Variants in NCAM1 observed in about 807,000 individuals in gnomAD.
The protein encoded by NCAM1 is antigen recognized by monoclonal antibody 5.1H11.
NCAM1 carries 14 observed loss-of-function variants against 109.8 expected under a neutral mutation model. The ratio of observed to expected loss-of-function variants is 0.13; its 90% confidence interval spans 0.08 to 0.20. The LOEUF is 0.20. NCAM1 is among the 10% of genes least tolerant of loss of function. NCAM1 has a pLI of 1.00. For synonymous variants in NCAM1, 418 were observed against 442.9 expected, an observed-to-expected ratio of 0.94 and a Z score of 0.70; for missense variants, 774 against 1,109.9, an observed-to-expected ratio of 0.70 and a Z score of 4.30.
At chr11:113,104,217 G>GGA (rs1940038845) in intron 1 of NCAM1, among the ~76,000 whole-genome samples, 1 of 118,422 alleles carries the variant, frequency 8.4e-6, no homozygotes, top group Admixed American at 8.8e-5. Flanking sequence ...TGGGGGGGGG[G>GGA]GCGGGGTGGT....
At chr11:113,037,898 A>T (rs2135400578) in intron 1 of NCAM1, among the ~76,000 whole-genome samples, 1 of 152,126 alleles carries the variant, frequency 6.6e-6, no homozygotes, top group African/African-American at 2.4e-5. Flanking sequence ...CTCTTCCTGG[A>T]CTCAGACTTT....
At chr11:113,048,387 A>G (rs1462123951) in intron 1 of NCAM1, among the ~76,000 whole-genome samples, 9 of 152,324 alleles carry the variant, frequency 5.9e-5, no homozygotes, top group African/African-American at 1.4e-4. Context: ...TTTGCCTTCT[A>G]GTAACACCTC....
At chr11:113,155,292 T>C (rs1306478392) in intron 1 of NCAM1, among the ~76,000 whole-genome samples, 1 of 151,796 alleles carries the variant, frequency 6.6e-6, no homozygotes, top group Non-Finnish European at 1.5e-5. Flanking sequence ...CCGAGGCGGG[T>C]GGATCACTTG....
intron 14 of NCAM1, chr11:113,236,362 T>A (rs1555118291): frequency 4.4e-6 from 7 of 1,593,198 alleles, no homozygotes; most frequent in Non-Finnish European, 6.0e-6. Flanking sequence ...AGCGTTAACA[T>A]CTGCTAGTTC....
intron 1 of NCAM1, among the ~76,000 whole-genome samples, chr11:113,005,875 A>G (rs1951882753): frequency 6.6e-6 from 1 of 152,216 alleles, no homozygotes; most frequent in Non-Finnish European, 1.5e-5. Flanking sequence ...ATGATGGCTT[A>G]TTTCAATTTG....
At chr11:113,231,535 G>T in intron 9 of NCAM1, 110 bp from the exon 10 acceptor site, 1 of 1,167,992 alleles carries the variant, frequency 8.6e-7, no homozygotes. Flanking sequence ...AGTGAGACGG[G>T]TCACAGACAA....
At chr11:112,992,660 C>T (rs1951495087) in intron 1 of NCAM1, among the ~76,000 whole-genome samples, 1 of 151,870 alleles carries the variant, frequency 6.6e-6, no homozygotes, top group Admixed American at 6.6e-5. Flanking sequence ...GCCACCATGC[C>T]CGGCTAATTT....
At chr11:113,114,130 G>A (rs567575798) in intron 1 of NCAM1, among the ~76,000 whole-genome samples, 1 of 152,324 alleles carries the variant, frequency 6.6e-6, no homozygotes, top group East Asian at 1.9e-4. Flanking sequence ...GTGGTTTTGT[G>A]GAGAATTATT....
chr11:113,223,734 G>T (rs999087963), intron 9 of NCAM1, among the ~76,000 whole-genome samples: 1 of 152,254 alleles, frequency 6.6e-6, no homozygotes, highest in South Asian at 2.1e-4. Flanking sequence ...TTCAGTTGCT[G>T]GTTGATATCA....
At chr11:113,212,078 G>A (rs985266163) in intron 7 of NCAM1, among the ~76,000 whole-genome samples, 4 of 152,194 alleles carry the variant, frequency 2.6e-5, no homozygotes, top group Non-Finnish European at 5.9e-5. Flanking sequence ...TTTCAGTAGG[G>A]TGACCCAGCA....
chr11:113,176,893 C>G (rs1943164803), intron 1 of NCAM1, among the ~76,000 whole-genome samples: 6 of 152,268 alleles, frequency 3.9e-5, no homozygotes, highest in Middle Eastern at 6.8e-3. Context: ...GCTGGCCCAT[C>G]AACTTCTTAT....
chr11:113,238,304 G>C (rs932240951), intron 14 of NCAM1, among the ~76,000 whole-genome samples: 3 of 152,142 alleles, frequency 2.0e-5, no homozygotes, highest in Non-Finnish European at 2.9e-5. Context: ...TAGATAAGTA[G>C]AACCATGGCA....
chr11:113,233,111 G>A lies in NCAM1; in HGVS notation c.1523-36G>A. On this transcript the variant is annotated intron_variant, in intron 12 of 19. Coordinates refer to ENST00000316851, the MANE Select transcript of NCAM1 (RefSeq NM_181351.5). The surrounding 1 kb of genome is among the most constrained non-coding windows in gnomAD (Gnocchi z 4.5). ...GAGTTAATGGTCTTGGGCCAAACTGGGCTCACCTGAGTCTCCATATGTGTC... is the reference window on the plus strand; with the variant it reads ...GAGTTAATGGTCTTGGGCCAAACTGAGCTCACCTGAGTCTCCATATGTGTC... 1 of 1,595,112 alleles carries A rather than the reference G, an allele frequency of 6.3e-7. No individual in the cohort carries two copies. The highest frequency in any genetic ancestry group is 8.5e-7 in the Non-Finnish European group (1 of 1,170,578).
chr11:113,085,661 T>G (rs1555088178), intron 1 of NCAM1, among the ~76,000 whole-genome samples: 1 of 152,208 alleles, frequency 6.6e-6, no homozygotes, highest in African/African-American at 2.4e-5. Context: ...TCTTCTACCA[T>G]TTACCACAGG....
intron 1 of NCAM1, among the ~76,000 whole-genome samples, chr11:112,996,528 T>C (rs1261028968): frequency 6.6e-6 from 1 of 152,220 alleles, no homozygotes; most frequent in Non-Finnish European, 1.5e-5. Context: ...CAGCATGATA[T>C]AGGCATCTTG....
chr11:113,107,842 G>T (rs575543950), intron 1 of NCAM1, among the ~76,000 whole-genome samples: 1 of 152,162 alleles, frequency 6.6e-6, no homozygotes, highest in Non-Finnish European at 1.5e-5. Context: ...AGGGAGTGTA[G>T]TCCTCTGCAG....
At chr11:113,060,305 G>A (rs575887888) in intron 1 of NCAM1, among the ~76,000 whole-genome samples, 6 of 152,256 alleles carry the variant, frequency 3.9e-5, no homozygotes, top group African/African-American at 1.4e-4. Context: ...TTTTGGCAGT[G>A]ATTTTTTGCC....
intron 1 of NCAM1, among the ~76,000 whole-genome samples, chr11:113,182,571 A>G (rs1943366576): frequency 6.6e-6 from 1 of 152,214 alleles, no homozygotes; most frequent in Non-Finnish European, 1.5e-5. Context: ...TGATGCAGAC[A>G]GTGCTGCCAT....
chr11:113,157,532 C>G (rs1424744679), intron 1 of NCAM1, among the ~76,000 whole-genome samples: 1 of 151,930 alleles, frequency 6.6e-6, no homozygotes, highest in Non-Finnish European at 1.5e-5. Flanking sequence ...TTAAAATCAC[C>G]CTCTATATCA....
Sources: allele counts gnomAD v4.1 joint callset (sites outside exome capture counted in the v4.1 genomes callset), GRCh38; gene constraint gnomAD v4.1.1; non-coding constraint Gnocchi (gnomAD v3.1); transcripts MANE v1.5; gene names NCBI Gene and HGNC (gene_info 2026-07-23, HGNC 2026-07-21).